SGCA: variants seen among roughly 807,000 people sequenced by gnomAD.
SGCA encodes the protein alpha-sarcoglycan.
In SGCA, 34 loss-of-function variants were observed where a neutral mutation model predicts 38.1. The ratio of observed to expected loss-of-function variants is 0.89; its 90% CI spans 0.68 to 1.19. The LOEUF (loss-of-function observed/expected upper bound fraction) is 1.19, where lower values mean the gene tolerates loss of function less well. Ranked by LOEUF, SGCA falls within the 50% of genes most tolerant of loss-of-function variation. The pLI, the probability that SGCA is intolerant of heterozygous loss-of-function variation, is 0.00. For synonymous variants in SGCA, 209 were observed against 214.6 expected (o/e 0.97, Z 0.23); for missense variants, 476 against 524.9 (o/e 0.91, Z 0.91).
Position 50,172,492 on chromosome 17 carries a change from A to G in SGCA, c.983+1826A>G, listed in dbSNP as rs1471454511. The G allele has an allele frequency of 2.1e-5, 7 of 334,516 alleles. No homozygotes were observed. In the East Asian group the frequency reaches 5.4e-4, roughly 26 times the overall value. 20.7% of individuals were successfully genotyped at this position (334,516 alleles called of 1,614,324 possible). On this transcript the variant is annotated intron_variant, in intron 8 of 9. Transcript: ENST00000262018. ...CTGGGCGGATTTTATTTTTTAAAAAATTTTTAGAGAGAGGGTCTCACTTTG... is the reference window on the plus strand; with the variant it reads ...CTGGGCGGATTTTATTTTTTAAAAAGTTTTTAGAGAGAGGGTCTCACTTTG...
chr17:50,171,421 G>A (rs1264151421), intron 8 of SGCA: 2 of 436,456 alleles, frequency 4.6e-6, no homozygotes, highest in Admixed American at 2.4e-5. Flanking sequence ...ATTCCAGGAG[G>A]CAGATGTGAA....
intron 1 of SGCA, 114 bp downstream of exon 1, chr17:50,166,191 G>T (rs1200498747): frequency 1.2e-6 from 1 of 860,028 alleles, no homozygotes; most frequent in Non-Finnish European, 2.0e-6. Context: ...GGGTGAGGCA[G>T]GCGCCAGAAG....
intron 6 of SGCA, 191 bp downstream of exon 6, chr17:50,169,445 A>ACACACACACCCC (rs369628436): frequency 1.7e-6 from 1 of 573,600 alleles, no homozygotes; most frequent in Non-Finnish European, 3.1e-6. Flanking sequence ...ACACACACAC[A>ACACACACACCCC]CCCCTGAAGT....
rs1290447915 is a variant in SGCA, at chr17:50,166,850, A to AC, written c.38-512dup. On this transcript the variant is annotated intron_variant, in intron 1 of 9. Coordinates refer to ENST00000262018, the MANE Select transcript of SGCA (RefSeq NM_000023.4). The stretch of plus-strand genomic sequence containing the variant: ...ACACACCCCACACACCGTCACACAC[A>AC]CCCCCCACACACACCCCCACATACC... 3.4e-3 allele frequency among the ~76,000 whole-genome samples: 88 copies of AC among 26,156 alleles called. 4 individuals carry two copies. The highest frequency in any genetic ancestry group is 0.014 in the African/African-American group (82 of 5,980). The allele number at this position is 26,156 out of a possible 152,430, so 17.2% of individuals were successfully genotyped here. A position where few individuals can be genotyped will look rare whatever the true frequency, so the allele number is the denominator to read the frequency against.
chr17:50,166,608 C>T (rs557332265), intron 1 of SGCA, among the ~76,000 whole-genome samples: 69 of 151,960 alleles, frequency 4.5e-4, no homozygotes, highest in African/African-American at 1.6e-3. Flanking sequence ...CCTCTGGGCT[C>T]TTGGGCATTT....
In SGCA at chr17:50,168,476, G is replaced by T; in HGVS notation, c.488G>T (p.Gly163Val). ...AGCCGCTTCCTCTCAGCCTTGGGGGGACTCTGGGAGCCCGGAGAGCTTCAG... is the reference window on the plus strand; with the variant it reads ...AGCCGCTTCCTCTCAGCCTTGGGGGTACTCTGGGAGCCCGGAGAGCTTCAG... ...PASRFLSALG[G>V]LWEPGELQLL... The change falls in exon 5 of 10, where the codon GGA (glycine) becomes GTA (valine). Residue 163 changes from glycine (G) to valine (V), a missense_variant. Physicochemically the swap from Gly to Val is moderately radical, Grantham distance 109. Transcript: ENST00000262018. 6.3e-7 allele frequency: 1 copy of T among 1,581,606 alleles called. No individual in the cohort carries two copies. Among genetic ancestry groups the T allele is most frequent in the Admixed American group, 1.8e-5 (1 of 54,850 alleles).
At position 50,167,004 on chromosome 17, in the gene SGCA, C is replaced by A. The variant is rs1205196937; in HGVS notation, c.38-364C>A. ...ACACCCTCACACACATCCTCACAGA[C>A]CCTCACACATACCTTCACACACACA... On this transcript the variant is annotated intron_variant, in intron 1 of 9. Transcript: ENST00000262018. This position sits in a 1 kb window ranked among gnomAD's most constrained non-coding sequence, Gnocchi z 4.5. Among the ~76,000 whole-genome samples, 2 of 142,510 alleles carry A rather than the reference C, an allele frequency of 1.4e-5. No homozygotes were observed. The highest frequency in any genetic ancestry group is 2.6e-5 in the African/African-American group (1 of 38,280). The allele number at this position is 142,510 out of a possible 152,430, so 93.5% of individuals were successfully genotyped here.
At chr17:50,168,661 G>A in intron 5 of SGCA, 89 bp downstream of exon 5, 1 of 1,210,412 alleles carries the variant, frequency 8.3e-7, no homozygotes, top group Non-Finnish European at 1.2e-6. Context: ...TTTCCAGGTG[G>A]GGCTTTACCA....
Position 50,170,176 on chromosome 17 carries a change from G to C in SGCA, c.781G>C (p.Val261Leu). ...DKSVPEPADE[V>L]PTPGDGILEH... is the part of the protein sequence containing the mutation. ...GTCAGTGCCGGAGCCTGCAGATGAG[G>C]TGCCCACCCCAGGTGATGGGATCCT... The change falls in exon 7 of 10, where the codon GTG (valine) becomes CTG (leucine). Residue 261 changes from valine (V) to leucine (L), a missense_variant. Transcript: ENST00000262018. The C allele has an allele frequency of 6.2e-7, 1 of 1,614,138 alleles. No individual in the cohort carries two copies. Among genetic ancestry groups the C allele is most frequent in the Non-Finnish European group, 8.5e-7 (1 of 1,180,030 alleles).
intron 9 of SGCA, 89 bp from the exon 10 acceptor site, chr17:50,175,623 G>T: frequency 1.4e-6 from 1 of 703,960 alleles, no homozygotes; most frequent in Non-Finnish European, 2.6e-6. Context: ...TGACCCCAAT[G>T]CCAAGCACTC....
chr17:50,171,217 C>T (rs1019373255), intron 8 of SGCA, among the ~76,000 whole-genome samples: 1 of 152,174 alleles, frequency 6.6e-6, no homozygotes, highest in Non-Finnish European at 1.5e-5. Flanking sequence ...TACTCTGTCA[C>T]CCTTCTTTCT....
intron 8 of SGCA, chr17:50,172,089 C>G (rs2696293): frequency 0.74 from 337,614 of 453,978 alleles, 127,780 homozygotes; most frequent in East Asian, 0.95. Context: ...GAAGTCTCCA[C>G]TGGGCTGCCC....
chr17:50,170,395 A>C, intron 7 of SGCA, 44 bp downstream of exon 7: 5 of 1,557,612 alleles, frequency 3.2e-6, no homozygotes, highest in Non-Finnish European at 3.5e-6. Context: ...GCTGGAGCTC[A>C]CACCCATGGG....
In SGCA at chr17:50,170,664, C is replaced by G. The variant is rs368522117; in HGVS notation, c.981C>G (p.Ser327=). The part of the protein sequence containing the change: ...EGRLKRDLAT[S]DIQMVHHCTI... ...GGCTGAAGAGAGACCTGGCTACCTC[C>G]GAGTGAGTAAAGGAAAGCTGGGGGT... The change falls in exon 8 of 10, where the codon TCC becomes TCG. Residue 327 remains serine (S), a splice_region_variant and synonymous_variant. Coordinates refer to ENST00000262018, the MANE Select transcript of SGCA (RefSeq NM_000023.4). 6.4e-7 allele frequency: 1 copy of G among 1,560,020 alleles called. No individual in the cohort carries two copies. Among genetic ancestry groups the G allele is most frequent in the African/African-American group, 1.4e-5 (1 of 73,588 alleles).
In SGCA at chr17:50,175,314, G is replaced by A. The variant is rs1472536404; in HGVS notation, c.1041G>A (p.Met347Ile). ...GGAACACAGAGGAGCTGCGGCAGAT[G>A]GCGGCCAGCCGCGAGGTGCCCCGGC... ...IHGNTEELRQ[M>I]AASREVPRPL... The change falls in exon 9 of 10, where the codon ATG (methionine) becomes ATA (isoleucine). Residue 347 changes from methionine (M) to isoleucine (I), a missense_variant. Coordinates refer to ENST00000262018, the MANE Select transcript of SGCA (RefSeq NM_000023.4). 1.2e-6 allele frequency: 2 copies of A among 1,608,972 alleles called. No homozygotes were observed. Among genetic ancestry groups the A allele is most frequent in the Admixed American group, 1.7e-5 (1 of 59,656 alleles).
Position 50,169,164 on chromosome 17 carries a change from C to T in SGCA, c.657C>T (p.His219=), listed in dbSNP as rs747684069. Residue 219 remains histidine, a synonymous_variant, in exon 6 of 10, where the codon CAC becomes CAT. Coordinates refer to ENST00000262018, the MANE Select transcript of SGCA (RefSeq NM_000023.4). ...AGATGGTGGCATCCCCCGATAGCCA[C>T]GCCCGCTGTGCCCAGGGCCAGCCTC... ...CLKMVASPDS[H]ARCAQGQPPL... 3.8e-5 allele frequency: 61 copies of T among 1,613,938 alleles called. No homozygotes were observed. The highest frequency in any genetic ancestry group is 3.3e-4 in the Middle Eastern group (2 of 6,084).
At chr17:50,172,486 T>A (rs951232228) in intron 8 of SGCA, 25 of 330,040 alleles carry the variant, frequency 7.6e-5, no homozygotes, top group African/African-American at 3.7e-4. Context: ...TTTTATTTTT[T>A]AAAAAATTTT....
rs1555568264 is a variant in SGCA at position 50,167,589 on chromosome 17, AC to A, written c.168del (p.Ala57LeufsTer154). On this transcript the variant is annotated frameshift_variant, in exon 3 of 10. Coordinates refer to ENST00000262018, the MANE Select transcript of SGCA (RefSeq NM_000023.4). LOFTEE classifies it high-confidence loss of function. The surrounding 1 kb of genome is among the most constrained non-coding windows in gnomAD (Gnocchi z 4.5). Reference protein sequence around the residue: ...LSLPEHVAVPPAVHITYHAHL... With the variant: ...LSLPEHVAVPXAVHITYHAHL... ...TCTCCTCGCTTCCACCAGCTGTCCCACCCGCTGTCCACATCACCTACCACGC... is the reference window on the plus strand; with the variant it reads ...TCTCCTCGCTTCCACCAGCTGTCCCACCGCTGTCCACATCACCTACCACGC... The A allele has an allele frequency of 1.2e-6, 2 of 1,613,146 alleles. No individual in the cohort carries two copies. Among genetic ancestry groups the A allele is most frequent in the Admixed American group, 3.3e-5 (2 of 59,980 alleles).
chr17:50,171,922 A>G (rs752858213), intron 8 of SGCA: 1 of 456,650 alleles, frequency 2.2e-6, no homozygotes, highest in African/African-American at 2.0e-5. Flanking sequence ...TGCGTTGCCC[A>G]GTCGCTGTCT....
Sources: gnomAD v4.1 joint callset for allele counts (sites outside exome capture counted in the v4.1 genomes callset) on GRCh38, gnomAD v4.1.1 for gene constraint, Gnocchi (gnomAD v3.1) non-coding constraint, MANE v1.5 for transcripts, NCBI Gene and HGNC (gene_info 2026-07-23, HGNC 2026-07-21) for gene names.